ARHGAP24: variants seen among roughly 807,000 people sequenced by gnomAD.
The protein encoded by ARHGAP24 is Rho GTPase activating protein 24, also known as rho GTPase-activating protein 24.
Under a neutral mutation model 76.4 loss-of-function variants are expected in ARHGAP24, and 50 were observed. The ratio of observed to expected loss-of-function variants is 0.65; its 90% CI spans 0.52 to 0.83. The LOEUF is 0.83. Ranked by LOEUF, ARHGAP24 falls within the 40% of genes least tolerant of loss-of-function variation. ARHGAP24 has a pLI of 0.00. For synonymous variants in ARHGAP24, 345 were observed against 323.3 expected (o/e 1.07, Z -0.72); for missense variants, 930 against 914.2 (o/e 1.02, Z -0.22).
chr4:85,480,339 AAGAC>A (rs1722761957), intron 1 of ARHGAP24, among the ~76,000 whole-genome samples: 1 of 152,144 alleles, frequency 6.6e-6, no homozygotes. Context: ...GGTTAGAAAA[AAGAC>A]AGGCTAAAAA....
chr4:85,698,957 C>A (rs538898397), intron 2 of ARHGAP24, among the ~76,000 whole-genome samples: 2 of 152,156 alleles, frequency 1.3e-5, no homozygotes, highest in African/African-American at 4.8e-5. Context: ...CACCACCCCC[C>A]ACTTGCTCCT....
At chr4:85,672,123 A>G (rs1384635509) in intron 2 of ARHGAP24, among the ~76,000 whole-genome samples, 1 of 152,198 alleles carries the variant, frequency 6.6e-6, no homozygotes, top group African/African-American at 2.4e-5. Flanking sequence ...ATGTGTGTAA[A>G]TGAATCAGAA....
At chr4:85,554,747 T>C (rs1218668285) in intron 1 of ARHGAP24, among the ~76,000 whole-genome samples, 2 of 152,208 alleles carry the variant, frequency 1.3e-5, no homozygotes, top group African/African-American at 4.8e-5. Context: ...CTTGGCCCAC[T>C]GCAAGCTCCA....
intron 3 of ARHGAP24, among the ~76,000 whole-genome samples, chr4:85,845,149 T>C (rs182826718): frequency 6.6e-6 from 1 of 152,358 alleles, no homozygotes; most frequent in Non-Finnish European, 1.5e-5. Context: ...TTGAATTGTG[T>C]CTGGACAATA....
chr4:85,503,526 G>C (rs139727761), intron 1 of ARHGAP24, among the ~76,000 whole-genome samples: 2,186 of 152,108 alleles, frequency 0.014, 145 homozygotes, highest in Admixed American at 0.12. Flanking sequence ...AGTATTTTCT[G>C]ATGGTAGTTT....
rs143254418 is a variant in ARHGAP24 at position 85,909,365 on chromosome 4, A to T, written c.269-14283A>T. Among the ~76,000 whole-genome samples the T allele has an allele frequency of 3.9e-4, 59 of 152,144 alleles. No homozygotes were observed. In the East Asian group the frequency reaches 9.8e-3, roughly 25 times the overall value. On this transcript the variant is annotated intron_variant, in intron 3 of 9. Transcript: ENST00000395184. Reference sequence around the variant, plus strand: ...AACATGTTCCTCCCCATCAGATAAGATTAAGAAAGACTGCACATATCTGTT... The same window carrying T: ...AACATGTTCCTCCCCATCAGATAAGTTTAAGAAAGACTGCACATATCTGTT...
intron 3 of ARHGAP24, among the ~76,000 whole-genome samples, chr4:85,897,894 A>G (rs778716981): frequency 4.2e-4 from 64 of 151,852 alleles, no homozygotes; most frequent in Non-Finnish European, 8.1e-4. Flanking sequence ...TGTGCACGCA[A>G]ATGTGTGGCT....
At chr4:85,817,207 T>C (rs1288093584) in intron 3 of ARHGAP24, among the ~76,000 whole-genome samples, 1 of 152,200 alleles carries the variant, frequency 6.6e-6, no homozygotes, top group Non-Finnish European at 1.5e-5. Context: ...TCCCATTCTG[T>C]AGATTTTCTC....
chr4:85,963,427 G>C (rs532205579), intron 5 of ARHGAP24, among the ~76,000 whole-genome samples: 4 of 152,070 alleles, frequency 2.6e-5, no homozygotes, highest in South Asian at 2.1e-4. Flanking sequence ...AGCACTTAAG[G>C]TTTTAATTAG....
chr4:85,502,253 T>C (rs1432684395), intron 1 of ARHGAP24, among the ~76,000 whole-genome samples: 1 of 152,226 alleles, frequency 6.6e-6, no homozygotes, highest in Non-Finnish European at 1.5e-5. Flanking sequence ...TTTCCAATTC[T>C]GTGAAGAAAG....
At chr4:85,517,927 G>A (rs1327777806) in intron 1 of ARHGAP24, among the ~76,000 whole-genome samples, 2 of 152,100 alleles carry the variant, frequency 1.3e-5, no homozygotes, top group African/African-American at 2.4e-5. Flanking sequence ...GTTTGCAGCA[G>A]TAAATTAGAA....
intron 3 of ARHGAP24, among the ~76,000 whole-genome samples, chr4:85,782,272 C>T (rs1186555951): frequency 6.6e-6 from 1 of 151,894 alleles, no homozygotes; most frequent in African/African-American, 2.4e-5. Context: ...GTGTTCATAC[C>T]TAAATAGGAA....
intron 1 of ARHGAP24, among the ~76,000 whole-genome samples, chr4:85,541,075 A>T (rs954784394): frequency 7.9e-6 from 1 of 126,434 alleles, no homozygotes; most frequent in Non-Finnish European, 1.6e-5. Context: ...CACTGATCCT[A>T]TTGCTGTGAA....
At chr4:85,634,395 C>G (rs1310973323) in intron 2 of ARHGAP24, among the ~76,000 whole-genome samples, 4 of 151,828 alleles carry the variant, frequency 2.6e-5, no homozygotes, top group Admixed American at 1.3e-4. Context: ...TCAGCTTTCT[C>G]TCAATTTTCA....
chr4:85,808,310 C>T (rs1331935330), intron 3 of ARHGAP24, among the ~76,000 whole-genome samples: 2 of 152,196 alleles, frequency 1.3e-5, no homozygotes, highest in Non-Finnish European at 2.9e-5. Flanking sequence ...TACTTTTCAA[C>T]TCCCAGCAGC....
rs976948440 is a variant in ARHGAP24 at position 85,885,855 on chromosome 4, C to T, written c.269-37793C>T. Among the ~76,000 whole-genome samples, 3 of 152,078 alleles carry T rather than the reference C, an allele frequency of 2.0e-5. No homozygotes were observed. The East Asian group carries it at 5.8e-4, about 29-fold the overall frequency. ...ATGTGGTAGATTATGTTGGTTGATA[C>T]TTTATTTATTATCTTTTATAACTAT... On this transcript the variant is annotated intron_variant, in intron 3 of 9. Coordinates refer to ENST00000395184, the MANE Select transcript of ARHGAP24 (RefSeq NM_001025616.3).
chr4:85,823,889 C>CTTCTTT (rs1729589629), intron 3 of ARHGAP24, among the ~76,000 whole-genome samples: 1 of 107,870 alleles, frequency 9.3e-6, no homozygotes, highest in South Asian at 3.3e-4. Context: ...CCCTTTCTTT[C>CTTCTTT]TTCTTTTTCT....
rs753807502 is a variant in ARHGAP24 at position 86,000,647 on chromosome 4, GT to G, written c.2179del (p.Ser727ProfsTer6). ...ACATGCTACAGAAAGAAATGGAGCAGTTTTTTTCCACGTTTGGAGAACTGAC... is the reference window on the plus strand; with the variant it reads ...ACATGCTACAGAAAGAAATGGAGCAGTTTTTTCCACGTTTGGAGAACTGAC... ...NDMLQKEMEQ[F>X]FSTFGELTVE... On this transcript the variant is annotated frameshift_variant, in exon 10 of 10. Transcript: ENST00000395184. LOFTEE classifies it high-confidence loss of function. 1.9e-6 allele frequency: 3 copies of G among 1,613,972 alleles called. No homozygotes were observed. Among genetic ancestry groups the G allele is most frequent in the South Asian group, 1.1e-5 (1 of 91,070 alleles).
chr4:85,592,739 A>G (rs1298593846), intron 2 of ARHGAP24, among the ~76,000 whole-genome samples: 1 of 152,170 alleles, frequency 6.6e-6, no homozygotes, highest in Non-Finnish European at 1.5e-5. Flanking sequence ...TATGCAAGAA[A>G]AGTTTGTCTT....
Sources: gnomAD v4.1 joint callset for allele counts (sites outside exome capture counted in the v4.1 genomes callset) on GRCh38, gnomAD v4.1.1 for gene constraint, MANE v1.5 for transcripts, NCBI Gene and HGNC (gene_info 2026-07-23, HGNC 2026-07-21) for gene names.